PRKN: variants seen among roughly 807,000 people sequenced by gnomAD.
PRKN encodes the protein parkin RBR E3 ubiquitin protein ligase.
Under a neutral mutation model 59.5 loss-of-function variants are expected in PRKN, and 56 were observed. The observed-to-expected ratio is 0.94, with a 90% CI of 0.76 to 1.18. The LOEUF (loss-of-function observed/expected upper bound fraction) is 1.18, where lower values mean the gene tolerates loss of function less well. PRKN is among the 50% of genes most tolerant of loss of function. The pLI is 0.00. For missense variants in PRKN, 657 were observed against 596.4 expected (o/e 1.10, Z -1.06); for synonymous variants, 250 against 222.1 (o/e 1.13, Z -1.12).
chr6:162,463,030 T>C (rs748880484), intron 1 of PRKN, among the ~76,000 whole-genome samples: 5 of 151,800 alleles, frequency 3.3e-5, no homozygotes, highest in African/African-American at 7.3e-5. Flanking sequence ...GATCGCACCA[T>C]TGCACTCCCA....
intron 4 of PRKN, among the ~76,000 whole-genome samples, chr6:162,116,883 A>G (rs945635530): frequency 9.9e-5 from 15 of 152,224 alleles, no homozygotes; most frequent in African/African-American, 3.4e-4. Flanking sequence ...CAAAGATCAA[A>G]TAATAACAAA....
intron 1 of PRKN, among the ~76,000 whole-genome samples, chr6:162,465,151 T>C (rs1019541772): frequency 6.6e-6 from 1 of 152,180 alleles, no homozygotes; most frequent in Non-Finnish European, 1.5e-5. Flanking sequence ...GCATCACTTC[T>C]ATGAACATTT....
At chr6:161,594,685 A>G (rs13208021) in intron 7 of PRKN, among the ~76,000 whole-genome samples, 1,919 of 152,182 alleles carry the variant, frequency 0.013, 29 homozygotes, top group Non-Finnish European at 0.016. Context: ...GTTAAAATAT[A>G]TAAATATTTT....
rs938715479 is a variant in PRKN at position 161,471,636 on chromosome 6, T to A, written c.1083+77218A>T. 5.9e-5 allele frequency among the ~76,000 whole-genome samples: 9 copies of A among 152,248 alleles called. 1 individual carries two copies. Among genetic ancestry groups the A allele is most frequent in the Admixed American group, 4.6e-4 (7 of 15,292 alleles). On this transcript the variant is annotated intron_variant, in intron 9 of 11. Transcript: ENST00000366898. The surrounding 1 kb of genome is among the most constrained non-coding windows in gnomAD (Gnocchi z 4.5). ...ATTGGATGGTCTATCGGAAACAGAATCAGGATTCAAAAACATCCCCCCACC... is the reference window on the plus strand; with the variant it reads ...ATTGGATGGTCTATCGGAAACAGAAACAGGATTCAAAAACATCCCCCCACC...
chr6:162,301,933 C>A (rs997357856), intron 2 of PRKN, among the ~76,000 whole-genome samples: 8 of 152,200 alleles, frequency 5.3e-5, no homozygotes, highest in South Asian at 2.1e-4. Context: ...CAACTACCTA[C>A]GCAATATTCT....
chr6:161,881,538 G>C (rs571990831), intron 6 of PRKN, among the ~76,000 whole-genome samples: 9 of 152,138 alleles, frequency 5.9e-5, no homozygotes, highest in Non-Finnish European at 1.3e-4. Flanking sequence ...TCCTGCACTC[G>C]GTAAGGGGCC....
At chr6:161,655,624 T>G (rs17576146) in intron 7 of PRKN, among the ~76,000 whole-genome samples, 53,857 of 152,086 alleles carry the variant, frequency 0.35, 9,878 homozygotes, top group Non-Finnish European at 0.39. Context: ...CTGTGAACAA[T>G]GTCCACAATA....
rs2315319 is a variant in PRKN at position 161,550,305 on chromosome 6, T to G, written c.934-1302A>C. Among the ~76,000 whole-genome samples, 1 of 152,178 alleles carries G rather than the reference T, an allele frequency of 6.6e-6. No homozygotes were observed. The highest frequency in any genetic ancestry group is 6.5e-5 in the Admixed American group (1 of 15,292). On this transcript the variant is annotated intron_variant, in intron 8 of 11. Coordinates refer to ENST00000366898, the MANE Select transcript of PRKN (RefSeq NM_004562.3). The surrounding 1 kb of genome is among the most constrained non-coding windows in gnomAD (Gnocchi z 4.0). ...TGACAGCTGCTTTCAGAACCCTGGG[T>G]GTTATTCTGGAAGATACCAGAACCA...
intron 6 of PRKN, among the ~76,000 whole-genome samples, chr6:161,929,179 A>G (rs1341691771): frequency 5.3e-5 from 8 of 152,216 alleles, no homozygotes; most frequent in Non-Finnish European, 1.0e-4. Context: ...AACCTGGATG[A>G]ACCTTATAAA....
At chr6:162,584,170 G>A (rs889009643) in intron 1 of PRKN, among the ~76,000 whole-genome samples, 1 of 147,898 alleles carries the variant, frequency 6.8e-6, no homozygotes, top group African/African-American at 2.5e-5. Context: ...CTGAGATTGC[G>A]TCACTGCACT....
At chr6:161,680,765 A>AT (rs1562604015) in intron 7 of PRKN, among the ~76,000 whole-genome samples, 7 of 10,888 alleles carry the variant, frequency 6.4e-4, no homozygotes, top group South Asian at 6.0e-3. Flanking sequence ...ATATATATAT[A>AT]TATATATATA....
At chr6:162,695,655 T>C (rs1777940431) in intron 1 of PRKN, among the ~76,000 whole-genome samples, 1 of 152,218 alleles carries the variant, frequency 6.6e-6, no homozygotes. Flanking sequence ...CTACCCATAC[T>C]GTATGTACAC....
At position 161,369,981 on chromosome 6, in the gene PRKN, C is replaced by T; in HGVS notation, c.1168-9776G>A. 2.2e-6 allele frequency: 1 copy of T among 446,930 alleles called. No homozygotes were observed. The highest frequency in any genetic ancestry group is 4.5e-6 in the Non-Finnish European group (1 of 220,134). The allele number at this position is 446,930 out of a possible 1,614,324, so 27.7% of individuals were successfully genotyped here. On this transcript the variant is annotated intron_variant, in intron 10 of 11. Coordinates refer to ENST00000366898, the MANE Select transcript of PRKN (RefSeq NM_004562.3). This position sits in a 1 kb window ranked among gnomAD's most constrained non-coding sequence, Gnocchi z 5.8. ...GGCTTAGCACAGAGCCAGGTGCACC[C>T]TGAATGCTAACCGTGTGTTTTCTAT...
At chr6:162,510,353 A>G (rs1011023033) in intron 1 of PRKN, among the ~76,000 whole-genome samples, 2 of 151,746 alleles carry the variant, frequency 1.3e-5, no homozygotes, top group Admixed American at 1.3e-4. Flanking sequence ...AGAATTTGGA[A>G]TGCATTTTCC....
chr6:162,568,537 T>C, intron 1 of PRKN: 1 of 759,226 alleles, frequency 1.3e-6, no homozygotes, highest in Non-Finnish European at 2.4e-6. Context: ...CTCCTTAACC[T>C]GGAGGTGGAC....
intron 4 of PRKN, among the ~76,000 whole-genome samples, chr6:162,172,875 A>G (rs1020485968): frequency 1.3e-5 from 2 of 152,184 alleles, no homozygotes; most frequent in African/African-American, 4.8e-5. Flanking sequence ...AGATAAGCAC[A>G]GAGTCCAAGG....
chr6:162,664,401 A>G (rs1779017298), intron 1 of PRKN, among the ~76,000 whole-genome samples: 1 of 152,216 alleles, frequency 6.6e-6, no homozygotes. Context: ...TCCTTTGGGT[A>G]TATACCCAGT....
At chr6:161,481,135 C>T (rs557242457) in intron 9 of PRKN, among the ~76,000 whole-genome samples, 2 of 152,350 alleles carry the variant, frequency 1.3e-5, no homozygotes, top group South Asian at 4.1e-4. Context: ...CACCATAGAA[C>T]TGTTTTCTAC....
At chr6:161,899,490 G>A (rs1420057765) in intron 6 of PRKN, among the ~76,000 whole-genome samples, 3 of 152,134 alleles carry the variant, frequency 2.0e-5, no homozygotes, top group Admixed American at 1.3e-4. Context: ...AAGATATCCA[G>A]CCACAGGTGA....
Sources: gnomAD v4.1 joint callset for allele counts (sites outside exome capture counted in the v4.1 genomes callset) on GRCh38, gnomAD v4.1.1 for gene constraint, Gnocchi (gnomAD v3.1) non-coding constraint, MANE v1.5 for transcripts, NCBI Gene and HGNC (gene_info 2026-07-23, HGNC 2026-07-21) for gene names.